PSMD3: variants seen among roughly 807,000 people sequenced by gnomAD.
PSMD3 encodes the protein proteasome 26S subunit, non-ATPase 3, also known as 26S proteasome non-ATPase regulatory subunit 3.
In PSMD3, 5 loss-of-function variants were observed where a neutral mutation model predicts 62.8. The observed-to-expected ratio is 0.08, with a 90% CI of 0.04 to 0.17. The LOEUF (loss-of-function observed/expected upper bound fraction) is 0.17. PSMD3 is among the 10% of genes least tolerant of loss of function. The pLI is 1.00. For missense variants in PSMD3, 524 were observed against 713.6 expected (o/e 0.73, Z 3.03); for synonymous variants, 265 against 283.9 (o/e 0.93, Z 0.67).
rs1382707097 is a variant in PSMD3 at position 39,995,574 on chromosome 17, C to T, written c.1320+47C>T. ...CAGTGACCAGGTTGTCACTTTCCTGCCAATCTCAGGAGGCAGGAGTGGGAG... is the reference window on the plus strand; with the variant it reads ...CAGTGACCAGGTTGTCACTTTCCTGTCAATCTCAGGAGGCAGGAGTGGGAG... On this transcript the variant is annotated intron_variant, in intron 9 of 11. Coordinates refer to ENST00000264639, the MANE Select transcript of PSMD3 (RefSeq NM_002809.4). The surrounding 1 kb of genome is among the most constrained non-coding windows in gnomAD (Gnocchi z 4.1). 2 of 1,544,244 alleles carry T rather than the reference C, an allele frequency of 1.3e-6. No individual in the cohort carries two copies. The highest frequency in any genetic ancestry group is 1.4e-5 in the African/African-American group (1 of 73,252).
chr17:39,997,474 A>G, intron 11 of PSMD3, 30 bp from the exon 12 acceptor site: 1 of 1,613,746 alleles, frequency 6.2e-7, no homozygotes, highest in African/African-American at 1.3e-5. Context: ...GCTGCTCTGA[A>G]GCTTTGGCCT....
At chr17:39,986,408 C>CT (rs1980524955) in intron 2 of PSMD3, among the ~76,000 whole-genome samples, 167 bp from the exon 3 acceptor site, 1 of 152,174 alleles carries the variant, frequency 6.6e-6, no homozygotes, top group Admixed American at 6.5e-5. Context: ...TCCTTGATTT[C>CT]TTTGGGAAAG....
intron 3 of PSMD3, 23 bp from the exon 4 acceptor site, chr17:39,988,660 T>C (rs750373011): frequency 6.8e-6 from 11 of 1,612,730 alleles, no homozygotes; most frequent in Admixed American, 1.7e-5. Flanking sequence ...TGCCACTTGA[T>C]TCTCTTTTGG....
At chr17:39,981,682 T>C (rs541361258) in intron 1 of PSMD3, among the ~76,000 whole-genome samples, 16 of 152,332 alleles carry the variant, frequency 1.1e-4, no homozygotes, top group Non-Finnish European at 2.4e-4. Context: ...ATGAACCATT[T>C]CGACCTAGTA....
In PSMD3 at chr17:39,988,838, C is replaced by T; in HGVS notation, c.686+19C>T. ...TGCGCAGGTACAGGCAGCCAAGCAT[C>T]TCACTTGGGGTCCGTGGGGTCAGAG... On this transcript the variant is annotated intron_variant, in intron 4 of 11. Coordinates refer to ENST00000264639, the MANE Select transcript of PSMD3 (RefSeq NM_002809.4). The T allele has an allele frequency of 4.3e-6, 7 of 1,611,834 alleles. No individual in the cohort carries two copies. Among genetic ancestry groups the T allele is most frequent in the Non-Finnish European group, 5.9e-6 (7 of 1,179,830 alleles).
At chr17:39,994,606 A>G (rs1305149635) in intron 6 of PSMD3, 1 of 312,028 alleles carries the variant, frequency 3.2e-6, no homozygotes, top group African/African-American at 2.1e-5. Context: ...CAGGCCTGTG[A>G]GCCCTGGTCC....
chr17:39,984,608 G>A (rs1433746631), intron 2 of PSMD3, 124 bp downstream of exon 2: 7 of 922,530 alleles, frequency 7.6e-6, no homozygotes, highest in African/African-American at 5.0e-5. Flanking sequence ...AGCCAAAGCA[G>A]TCCATTTGAA....
At chr17:39,994,590 G>C (rs575587193) in intron 6 of PSMD3, 1 of 281,866 alleles carries the variant, frequency 3.5e-6, no homozygotes, top group East Asian at 8.4e-5. Context: ...CACACGTTCC[G>C]TTCTCCAGGC....
chr17:39,997,201 T>C (rs1980804268), intron 10 of PSMD3, 129 bp from the exon 11 acceptor site: 1 of 814,494 alleles, frequency 1.2e-6, no homozygotes, highest in Non-Finnish European at 2.1e-6. Flanking sequence ...CCCACTAGAC[T>C]AACTGGAGAG....
At chr17:39,994,038 CTTT>C (rs948183441) in intron 6 of PSMD3, 1 of 152,304 alleles carries the variant, frequency 6.6e-6, no homozygotes, top group Non-Finnish European at 1.5e-5. Context: ...TTTTCTGCCT[CTTT>C]TTCAATCTGT....
intron 1 of PSMD3, 110 bp downstream of exon 1, chr17:39,981,300 G>C: frequency 6.7e-7 from 1 of 1,499,944 alleles, no homozygotes; most frequent in South Asian, 1.3e-5. Flanking sequence ...CAGTTCTTTG[G>C]GATCACCCCC....
chr17:39,992,026 A>AAAAAAAAAAAAAAAAAAAAAAAC (rs1177671164), intron 6 of PSMD3, among the ~76,000 whole-genome samples: 1 of 151,528 alleles, frequency 6.6e-6, no homozygotes, highest in African/African-American at 2.4e-5. Context: ...CTCTGTCTCA[A>AAAAAAAAAAAAAAAAAAAAAAAC]AAAAAAACAA....
intron 3 of PSMD3, among the ~76,000 whole-genome samples, chr17:39,988,249 C>T (rs895526952): frequency 6.6e-6 from 1 of 152,184 alleles, no homozygotes; most frequent in Non-Finnish European, 1.5e-5. Flanking sequence ...TCCCCTTACC[C>T]AGCCCCTGGC....
intron 6 of PSMD3, 91 bp downstream of exon 6, chr17:39,990,288 C>G: frequency 8.4e-7 from 1 of 1,195,862 alleles, no homozygotes; most frequent in Non-Finnish European, 1.2e-6. Flanking sequence ...GTCTTGAACT[C>G]CTGGGTTCAA....
intron 1 of PSMD3, among the ~76,000 whole-genome samples, chr17:39,983,243 G>A (rs917224547): frequency 2.0e-5 from 3 of 152,068 alleles, no homozygotes; most frequent in Non-Finnish European, 4.4e-5. Context: ...ATGTTGGCCA[G>A]GCTGGTCTCC....
At chr17:39,989,987 A>G (rs1980616543) in intron 5 of PSMD3, 58 bp downstream of exon 5, 2 of 1,587,520 alleles carry the variant, frequency 1.3e-6, no homozygotes, top group Middle Eastern at 1.8e-4. Context: ...CCTGGTGCAA[A>G]TTTTCCAAGG....
intron 1 of PSMD3, among the ~76,000 whole-genome samples, chr17:39,983,258 G>C (rs2144806960): frequency 6.6e-6 from 1 of 152,122 alleles, no homozygotes; most frequent in Admixed American, 6.5e-5. Flanking sequence ...GTCTCCAACT[G>C]CTACCCTTAA....
Position 39,995,077 on chromosome 17 carries a change from G to T in PSMD3, c.1096+9G>T. On this transcript the variant is annotated intron_variant, in intron 7 of 11. Transcript: ENST00000264639. The surrounding 1 kb of genome is among the most constrained non-coding windows in gnomAD (Gnocchi z 4.1). The stretch of plus-strand genomic sequence containing the variant: ...TTTCCTTCTGACTCAAGGTAAGGCT[G>T]GCTTCCCCACCCCAGAGCCCACTAG... 6.2e-7 allele frequency: 1 copy of T among 1,614,050 alleles called. No homozygotes were observed. Among genetic ancestry groups the T allele is most frequent in the Non-Finnish European group, 8.5e-7 (1 of 1,179,982 alleles).
Position 39,997,601 on chromosome 17 carries a change from G to C in PSMD3, c.*20G>C. The C allele has an allele frequency of 7.3e-7, 1 of 1,368,534 alleles. No individual in the cohort carries two copies. Among genetic ancestry groups the C allele is most frequent in the Non-Finnish European group, 1.0e-6 (1 of 969,302 alleles). 84.8% of individuals were successfully genotyped at this position (1,368,534 alleles called of 1,614,324 possible). On this transcript the variant is annotated 3_prime_UTR_variant, in exon 12 of 12. Transcript: ENST00000264639. ...CCTTGAGCTGGGGGGCTGGGGAGGGGTAGGGGGAATGGGGACAGGCTCTTT... is the reference window on the plus strand; with the variant it reads ...CCTTGAGCTGGGGGGCTGGGGAGGGCTAGGGGGAATGGGGACAGGCTCTTT...
Sources: gnomAD v4.1 joint callset for allele counts (sites outside exome capture counted in the v4.1 genomes callset) on GRCh38, gnomAD v4.1.1 for gene constraint, Gnocchi (gnomAD v3.1) non-coding constraint, MANE v1.5 for transcripts, NCBI Gene and HGNC (gene_info 2026-07-23, HGNC 2026-07-21) for gene names.